HSD17B6: variants seen among roughly 807,000 people sequenced by gnomAD.
The protein encoded by HSD17B6 is hydroxysteroid 17-beta dehydrogenase 6.
A neutral mutation model predicts 26.4 loss-of-function variants in HSD17B6; 16 were observed. The observed-to-expected ratio is 0.61, with a 90% CI of 0.41 to 0.92. The LOEUF is 0.92. HSD17B6 is among the 40% of genes least tolerant of loss of function. HSD17B6 has a pLI of 0.00. For missense variants in HSD17B6, 357 were observed against 386.1 expected, an observed-to-expected ratio of 0.92 and a Z score of 0.63; for synonymous variants, 139 against 153.0, an observed-to-expected ratio of 0.91 and a Z score of 0.68.
chr12:56,768,130 A>T (rs920614788), intron 1 of HSD17B6, among the ~76,000 whole-genome samples: 2 of 152,134 alleles, frequency 1.3e-5, no homozygotes, highest in African/African-American at 4.8e-5. Context: ...GCATGGCACG[A>T]TCTGAAAGCA....
chr12:56,787,165 A>G lies in HSD17B6; in HGVS notation c.777A>G (p.Thr259=). Residue 259 remains threonine (T), a synonymous_variant, in exon 5 of 5, where the codon ACA becomes ACG. Coordinates refer to ENST00000322165, the MANE Select transcript of HSD17B6 (RefSeq NM_003725.4). ...IMKEGLLNCS[T]NLNLVTDCME... Reference sequence around the variant, plus strand: ...AGGAAGGGCTGTTGAATTGTAGCACAAACCTGAACCTGGTCACTGACTGCA... The same window carrying G: ...AGGAAGGGCTGTTGAATTGTAGCACGAACCTGAACCTGGTCACTGACTGCA... The G allele has an allele frequency of 1.2e-6, 2 of 1,614,228 alleles. No individual in the cohort carries two copies. Among genetic ancestry groups the G allele is most frequent in the East Asian group, 4.5e-5 (2 of 44,888 alleles).
chr12:56,776,033 C>A (rs1054135018), intron 2 of HSD17B6, among the ~76,000 whole-genome samples: 1 of 152,182 alleles, frequency 6.6e-6, no homozygotes, highest in Non-Finnish European at 1.5e-5. Context: ...TCAAGCGATT[C>A]GCCTTTCTCA....
chr12:56,779,079 A>G (rs1246245753), intron 2 of HSD17B6, among the ~76,000 whole-genome samples: 1 of 118,750 alleles, frequency 8.4e-6, no homozygotes, highest in Non-Finnish European at 1.7e-5. Flanking sequence ...AACTAATCCA[A>G]TCTGACAATT....
intron 2 of HSD17B6, among the ~76,000 whole-genome samples, chr12:56,778,836 G>A (rs2137918868): frequency 6.6e-6 from 1 of 151,722 alleles, no homozygotes; most frequent in Non-Finnish European, 1.5e-5. Context: ...CATCAGGCCC[G>A]GCTAATTTTT....
intron 1 of HSD17B6, chr12:56,770,287 T>A (rs996104193): frequency 2.0e-5 from 3 of 152,654 alleles, no homozygotes; most frequent in Non-Finnish European, 4.4e-5. Flanking sequence ...CTCTCGCTAC[T>A]TACTGCCTTC....
At chr12:56,771,448 AT>A (rs35374137) in intron 1 of HSD17B6, among the ~76,000 whole-genome samples, 41,417 of 93,626 alleles carry the variant, frequency 0.44, 7,392 homozygotes, top group East Asian at 0.59. Flanking sequence ...AAGGGTTGCA[AT>A]TTTTTTTTTT....
intron 1 of HSD17B6, among the ~76,000 whole-genome samples, chr12:56,773,409 T>C (rs1385232175): frequency 6.6e-6 from 1 of 152,252 alleles, no homozygotes; most frequent in Non-Finnish European, 1.5e-5. Flanking sequence ...TTCTTATGTA[T>C]GTTCTGCTCT....
intron 3 of HSD17B6, among the ~76,000 whole-genome samples, chr12:56,782,932 A>G (rs1353788437): frequency 3.9e-5 from 6 of 151,994 alleles, no homozygotes; most frequent in South Asian, 2.1e-4. Flanking sequence ...GACACAGCAC[A>G]TGTTTCAGAG....
At chr12:56,779,760 C>A (rs1954671701) in intron 2 of HSD17B6, among the ~76,000 whole-genome samples, 1 of 150,646 alleles carries the variant, frequency 6.6e-6, no homozygotes. Context: ...TTTTTTGGCT[C>A]TCCAATATGC....
At chr12:56,767,756 T>C (rs1004862268) in intron 1 of HSD17B6, among the ~76,000 whole-genome samples, 1 of 146,314 alleles carries the variant, frequency 6.8e-6, no homozygotes, top group Non-Finnish European at 1.5e-5. Context: ...TATACGTATA[T>C]ATATGTGTAT....
At chr12:56,771,527 C>T (rs1209373036) in intron 1 of HSD17B6, among the ~76,000 whole-genome samples, 5 of 145,498 alleles carry the variant, frequency 3.4e-5, no homozygotes, top group East Asian at 2.0e-4. Flanking sequence ...GGCATGATCT[C>T]GGCTCACTGC....
rs548126868 is a variant in HSD17B6 at position 56,783,937 on chromosome 12, G to A, written c.573-916G>A. Among the ~76,000 whole-genome samples the A allele has an allele frequency of 4.0e-5, 6 of 150,770 alleles. No homozygotes were observed. The South Asian group carries it at 6.3e-4, about 16-fold the overall frequency. ...TTCTCAAACGGGGCGGTTGCCAGGC[G>A]GAGGGTCTCCTCACTTCTCAGACGG... is the stretch of plus-strand genomic sequence containing the variant. On this transcript the variant is annotated intron_variant, in intron 3 of 4. Coordinates refer to ENST00000322165, the MANE Select transcript of HSD17B6 (RefSeq NM_003725.4).
intron 1 of HSD17B6, among the ~76,000 whole-genome samples, chr12:56,765,176 C>T (rs1954294929): frequency 6.6e-6 from 1 of 152,014 alleles, no homozygotes; most frequent in Non-Finnish European, 1.5e-5. Context: ...GTGGCTCACG[C>T]CTGTAATCCC....
At chr12:56,786,912 T>A (rs1954887360) in intron 4 of HSD17B6, among the ~76,000 whole-genome samples, 1 of 152,182 alleles carries the variant, frequency 6.6e-6, no homozygotes, top group Non-Finnish European at 1.5e-5. Context: ...AAATTAAAAT[T>A]AAATAAAATC....
intron 1 of HSD17B6, among the ~76,000 whole-genome samples, chr12:56,767,656 A>G (rs899624851): frequency 6.9e-6 from 1 of 144,580 alleles, no homozygotes; most frequent in Non-Finnish European, 1.5e-5. Flanking sequence ...TATATATATT[A>G]TATATATAGT....
Position 56,784,958 on chromosome 12 carries a change from T to G in HSD17B6, c.678T>G (p.Ser226Arg), listed in dbSNP as rs762195228. ...AGTCCTTAGAGCGAATGAAGCAAAG[T>G]TGGAAAGAAGCCCCCAAGCATATTA... ...MTQSLERMKQ[S>R]WKEAPKHIKE... The change falls in exon 4 of 5, where the codon AGT becomes AGG. Residue 226 changes from serine (S) to arginine (R), a missense_variant. By Grantham distance (110) the Ser-to-Arg change is moderately radical. Coordinates refer to ENST00000322165, the MANE Select transcript of HSD17B6 (RefSeq NM_003725.4). 12 of 1,613,898 alleles carry G rather than the reference T, an allele frequency of 7.4e-6. No homozygotes were observed. Among genetic ancestry groups the G allele is most frequent in the Non-Finnish European group, 1.0e-5 (12 of 1,180,002 alleles).
intron 1 of HSD17B6, among the ~76,000 whole-genome samples, chr12:56,771,136 G>T (rs1287536169): frequency 6.6e-6 from 1 of 152,146 alleles, no homozygotes; most frequent in East Asian, 1.9e-4. Flanking sequence ...AGGCTCATGG[G>T]CCTGGCTGAG....
chr12:56,773,615 G>C (rs913470577), intron 1 of HSD17B6, among the ~76,000 whole-genome samples: 1 of 152,166 alleles, frequency 6.6e-6, no homozygotes, highest in African/African-American at 2.4e-5. Context: ...TGTAGACTGT[G>C]TGTATACTTC....
chr12:56,774,162 A>G lies in HSD17B6; in HGVS notation c.310A>G (p.Arg104Gly). The G allele has an allele frequency of 6.5e-7, 1 of 1,544,916 alleles. No homozygotes were observed. The highest frequency in any genetic ancestry group is 8.7e-7 in the Non-Finnish European group (1 of 1,145,930). ...GTGGGTGAAGGAGCATGTGGGGGACAGAGGTATGAAATATTTTCTCCTTTT... is the reference window on the plus strand; with the variant it reads ...GTGGGTGAAGGAGCATGTGGGGGACGGAGGTATGAAATATTTTCTCCTTTT... ...TQWVKEHVGDRGLWGLVNNAG... is the reference protein window; with the variant it reads ...TQWVKEHVGDGGLWGLVNNAG... Residue 104 changes from arginine (R) to glycine (G), a missense_variant, in exon 2 of 5, where the codon AGA becomes GGA. By Grantham distance (125) the Arg-to-Gly change is moderately radical. Coordinates refer to ENST00000322165, the MANE Select transcript of HSD17B6 (RefSeq NM_003725.4).
Sources: allele counts gnomAD v4.1 joint callset (sites outside exome capture counted in the v4.1 genomes callset), GRCh38; gene constraint gnomAD v4.1.1; transcripts MANE v1.5; gene names NCBI Gene and HGNC (gene_info 2026-07-23, HGNC 2026-07-21).